Variants in CDH18 observed in about 807,000 individuals in gnomAD.
CDH18 encodes the protein cadherin-18.
CDH18 carries 31 observed loss-of-function variants against 67.9 expected under a neutral mutation model. The observed-to-expected ratio is 0.46, with a 90% CI of 0.34 to 0.62. The LOEUF (loss-of-function observed/expected upper bound fraction) is 0.62. Ranked by LOEUF, CDH18 falls within the 20% of genes least tolerant of loss-of-function variation. The pLI is 0.01. For missense variants in CDH18, 890 were observed against 975.5 expected, an observed-to-expected ratio of 0.91 and a Z score of 1.17; for synonymous variants, 362 against 347.2, an observed-to-expected ratio of 1.04 and a Z score of -0.48.
intron 1 of CDH18, among the ~76,000 whole-genome samples, chr5:20,516,269 T>C (rs1053799063): frequency 6.6e-6 from 1 of 152,020 alleles, no homozygotes; most frequent in Non-Finnish European, 1.5e-5. Context: ...AATTCATTTC[T>C]TTTATGACCT....
intron 1 of CDH18, among the ~76,000 whole-genome samples, chr5:20,396,029 T>C (rs1379672039): frequency 6.6e-6 from 1 of 152,198 alleles, no homozygotes; most frequent in Non-Finnish European, 1.5e-5. Flanking sequence ...GATAAATAGT[T>C]ACATATAAAT....
chr5:19,533,608 T>C (rs1748992761), intron 9 of CDH18, among the ~76,000 whole-genome samples: 1 of 151,990 alleles, frequency 6.6e-6, no homozygotes, highest in Non-Finnish European at 1.5e-5. Context: ...CTTTAGACAG[T>C]GAAAAAGTAA....
intron 5 of CDH18, among the ~76,000 whole-genome samples, chr5:19,616,815 GA>G (rs1749911463): frequency 6.6e-6 from 1 of 152,168 alleles, no homozygotes; most frequent in Admixed American, 6.5e-5. Flanking sequence ...GGTACCAGAT[GA>G]TTTTATTCCT....
chr5:19,836,727 T>G (rs1781685567), intron 3 of CDH18, among the ~76,000 whole-genome samples: 1 of 152,160 alleles, frequency 6.6e-6, no homozygotes, highest in African/African-American at 2.4e-5. Context: ...TGTGTTTTAG[T>G]CATGAAGTCT....
chr5:19,798,921 T>C (rs1485997193), intron 3 of CDH18, among the ~76,000 whole-genome samples: 1 of 152,080 alleles, frequency 6.6e-6, no homozygotes, highest in Non-Finnish European at 1.5e-5. Flanking sequence ...TAACATAAAT[T>C]AAGATACCTT....
At chr5:20,556,000 TA>T (rs1757885671) in intron 1 of CDH18, among the ~76,000 whole-genome samples, 1 of 152,158 alleles carries the variant, frequency 6.6e-6, no homozygotes, top group Admixed American at 6.6e-5. Context: ...TTTTTCAAGC[TA>T]AAAAATAGAG....
At chr5:19,854,902 G>C (rs1178966297) in intron 2 of CDH18, among the ~76,000 whole-genome samples, 2 of 134,392 alleles carry the variant, frequency 1.5e-5, no homozygotes, top group Non-Finnish European at 3.1e-5. Context: ...TCCAGCCTCT[G>C]ATAACCATCA....
At chr5:19,964,945 A>T (rs554177082) in intron 2 of CDH18, among the ~76,000 whole-genome samples, 1 of 152,272 alleles carries the variant, frequency 6.6e-6, no homozygotes, top group East Asian at 1.9e-4. Context: ...TGAAATACTT[A>T]AGTTTATTAA....
At chr5:19,945,902 T>A (rs765691927) in intron 2 of CDH18, among the ~76,000 whole-genome samples, 2 of 152,084 alleles carry the variant, frequency 1.3e-5, no homozygotes, top group Non-Finnish European at 2.9e-5. Context: ...AATATTCATG[T>A]CATTGGAGTT....
intron 5 of CDH18, among the ~76,000 whole-genome samples, chr5:19,703,918 G>T (rs1264005546): frequency 2.0e-5 from 3 of 152,132 alleles, no homozygotes; most frequent in African/African-American, 7.2e-5. Flanking sequence ...CTTCTAGGTA[G>T]ATCTAGTTTA....
At chr5:20,419,462 G>GTTT (rs202130030) in intron 1 of CDH18, among the ~76,000 whole-genome samples, 1,318 of 75,486 alleles carry the variant, frequency 0.017, 237 homozygotes, top group Non-Finnish European at 0.027. Flanking sequence ...ATGGGACTCT[G>GTTT]TTTTTTTTTT....
intron 2 of CDH18, among the ~76,000 whole-genome samples, chr5:20,225,825 T>G (rs1220387738): frequency 6.6e-6 from 1 of 152,068 alleles, no homozygotes; most frequent in Non-Finnish European, 1.5e-5. Context: ...TACTTAGATG[T>G]GAAATGGAAA....
intron 2 of CDH18, among the ~76,000 whole-genome samples, chr5:19,902,356 T>C (rs895214961): frequency 9.9e-5 from 15 of 152,114 alleles, no homozygotes; most frequent in African/African-American, 3.4e-4. Context: ...ACCGCAGCTT[T>C]CACCTTGGGT....
intron 2 of CDH18, among the ~76,000 whole-genome samples, chr5:19,917,663 C>T (rs1791978788): frequency 6.6e-6 from 1 of 152,122 alleles, no homozygotes; most frequent in Non-Finnish European, 1.5e-5. Flanking sequence ...CTAATGGATG[C>T]AGATGCACAG....
At chr5:19,849,769 C>A (rs1278682155) in intron 2 of CDH18, among the ~76,000 whole-genome samples, 1 of 68,330 alleles carries the variant, frequency 1.5e-5, no homozygotes, top group African/African-American at 3.6e-5. Context: ...TATATATAAA[C>A]ATATATATAT....
intron 3 of CDH18, among the ~76,000 whole-genome samples, chr5:19,813,270 C>G (rs183336776): frequency 6.6e-6 from 1 of 151,468 alleles, no homozygotes; most frequent in African/African-American, 2.4e-5. Flanking sequence ...GCACATGTAA[C>G]CCAGAACTTA....
At chr5:20,438,779 T>A (rs190395849) in intron 1 of CDH18, among the ~76,000 whole-genome samples, 51 of 151,618 alleles carry the variant, frequency 3.4e-4, no homozygotes, top group Admixed American at 7.2e-4. Context: ...CTGTTTTCTA[T>A]CCCAGTCTTT....
chr5:20,281,595 G>A (rs1202596329), intron 1 of CDH18, among the ~76,000 whole-genome samples: 2 of 152,128 alleles, frequency 1.3e-5, no homozygotes, highest in Admixed American at 6.5e-5. Flanking sequence ...GTACCGTGCT[G>A]TTTTGGTTAC....
At chr5:20,068,886 G>A (rs1207958422) in intron 2 of CDH18, among the ~76,000 whole-genome samples, 1 of 152,010 alleles carries the variant, frequency 6.6e-6, no homozygotes, top group Non-Finnish European at 1.5e-5. Flanking sequence ...CAGTAACTTG[G>A]TCATAAACAT....
Sources: allele counts gnomAD v4.1 joint callset (sites outside exome capture counted in the v4.1 genomes callset), GRCh38; gene constraint gnomAD v4.1.1; transcripts MANE v1.5; gene names NCBI Gene and HGNC (gene_info 2026-07-23, HGNC 2026-07-21).